Variants in LRBA observed in about 807,000 individuals in gnomAD.
LRBA encodes LPS responsive beige-like anchor protein.
LRBA carries 176 observed loss-of-function variants against 330.0 expected under a neutral mutation model. The ratio of observed to expected loss-of-function variants is 0.53; its 90% CI spans 0.47 to 0.60. LRBA has a LOEUF of 0.60. Ranked by LOEUF, LRBA falls within the 20% of genes least tolerant of loss-of-function variation. LRBA has a pLI of 0.00. For synonymous variants in LRBA, 1,230 were observed against 1,193.0 expected (o/e 1.03, Z -0.64); for missense variants, 3,259 against 3,444.8 (o/e 0.95, Z 1.35).
chr4:150,745,515 G>A (rs1463114124), intron 35 of LRBA, among the ~76,000 whole-genome samples: 1 of 151,886 alleles, frequency 6.6e-6, no homozygotes, highest in Non-Finnish European at 1.5e-5. Flanking sequence ...TTTGTTTTTT[G>A]TTTTTTGTTT....
At chr4:150,985,697 A>T (rs1395148644) in intron 2 of LRBA, among the ~76,000 whole-genome samples, 1 of 151,994 alleles carries the variant, frequency 6.6e-6, no homozygotes, top group Non-Finnish European at 1.5e-5. Flanking sequence ...ACGGGATTTC[A>T]TCGTGTTAGC....
At chr4:150,481,346 T>C (rs1368432224) in intron 42 of LRBA, among the ~76,000 whole-genome samples, 1 of 152,158 alleles carries the variant, frequency 6.6e-6, no homozygotes, top group Admixed American at 6.6e-5. Context: ...TTCGTGTGGA[T>C]AGATGCCCAG....
intron 47 of LRBA, among the ~76,000 whole-genome samples, chr4:150,375,288 TA>T (rs1417556668): frequency 6.6e-6 from 1 of 152,050 alleles, no homozygotes; most frequent in Non-Finnish European, 1.5e-5. Flanking sequence ...CTACAAGGCA[TA>T]AGGGGGACAG....
At chr4:150,582,184 A>G (rs1309676494) in intron 40 of LRBA, 4 of 152,272 alleles carry the variant, frequency 2.6e-5, no homozygotes, top group African/African-American at 7.2e-5. Context: ...CGTCACACTA[A>G]AACGGATTTT....
Position 150,758,827 on chromosome 4 carries a change from G to A in LRBA, c.5645+2956C>T, listed in dbSNP as rs151242367. ...TGGGCTCAAGCGATCCTCCCACCTC[G>A]GCCTCTCAAAGTGCTGGAATTACAG... On this transcript the variant is annotated intron_variant, in intron 35 of 56. Coordinates refer to ENST00000651943, the MANE Select transcript of LRBA (RefSeq NM_001364905.1). 1.4e-3 allele frequency among the ~76,000 whole-genome samples: 210 copies of A among 149,228 alleles called. 2 individuals carry two copies. Among genetic ancestry groups the A allele is most frequent in the African/African-American group, 2.6e-3 (104 of 40,594 alleles).
At chr4:150,819,123 A>G (rs896016847) in intron 30 of LRBA, among the ~76,000 whole-genome samples, 3 of 152,046 alleles carry the variant, frequency 2.0e-5, no homozygotes, top group African/African-American at 7.2e-5. Flanking sequence ...GTAACAAACA[A>G]CATGGATGAA....
intron 34 of LRBA, among the ~76,000 whole-genome samples, chr4:150,769,862 T>G (rs922731572): frequency 6.6e-6 from 1 of 152,320 alleles, no homozygotes; most frequent in Admixed American, 6.5e-5. Flanking sequence ...AACAAGGTTA[T>G]AATTCTACCT....
At chr4:150,567,350 GA>G (rs1202321359) in intron 40 of LRBA, among the ~76,000 whole-genome samples, 1 of 151,986 alleles carries the variant, frequency 6.6e-6, no homozygotes, top group African/African-American at 2.4e-5. Context: ...GTGAAAACAA[GA>G]AAAAGTGTAA....
rs1055096110 is a variant in LRBA, at chr4:150,583,314, C to A, written c.6330+4734G>T. 2 of 1,614,200 alleles carry A rather than the reference C, an allele frequency of 1.2e-6. No individual in the cohort carries two copies. Among genetic ancestry groups the A allele is most frequent in the Admixed American group, 1.7e-5 (1 of 60,030 alleles). ...ACTTCGTGGACGACGGCTCGCTGCC[C>A]GGCTGCGCAGTGCTCAAACTGAGCG... On this transcript the variant is annotated intron_variant, in intron 40 of 56. Transcript: ENST00000651943. This position sits in a 1 kb window ranked among gnomAD's most constrained non-coding sequence, Gnocchi z 9.8.
intron 37 of LRBA, among the ~76,000 whole-genome samples, chr4:150,669,759 T>C (rs974873252): frequency 1.3e-5 from 2 of 152,040 alleles, no homozygotes; most frequent in Admixed American, 6.6e-5. Context: ...AGATACAGGG[T>C]TTCACCAAGT....
intron 37 of LRBA, among the ~76,000 whole-genome samples, chr4:150,635,745 T>C (rs1193101229): frequency 6.6e-6 from 1 of 152,194 alleles, no homozygotes; most frequent in Non-Finnish European, 1.5e-5. Context: ...CTAAAACTGA[T>C]ACATTATTAC....
intron 40 of LRBA, among the ~76,000 whole-genome samples, chr4:150,501,708 A>C (rs1448018157): frequency 1.3e-5 from 2 of 152,194 alleles, no homozygotes; most frequent in Non-Finnish European, 2.9e-5. Flanking sequence ...CTACAACATA[A>C]AAATTTTTAA....
chr4:150,362,607 G>T (rs967803524), intron 47 of LRBA, among the ~76,000 whole-genome samples: 5 of 152,180 alleles, frequency 3.3e-5, no homozygotes, highest in African/African-American at 1.2e-4. Context: ...CCAAGAATTT[G>T]CCCTTATAAC....
At chr4:150,590,910 C>T (rs373214714) in intron 38 of LRBA, 51 bp from the exon 39 acceptor site, 163 of 1,587,658 alleles carry the variant, frequency 1.0e-4, no homozygotes, top group Admixed American at 5.0e-4. Context: ...AAGAGCACTT[C>T]GGCAGAGGGG....
intron 37 of LRBA, among the ~76,000 whole-genome samples, chr4:150,671,034 G>GTGTGTGTA (rs1293878040): frequency 6.8e-6 from 1 of 147,590 alleles, no homozygotes; most frequent in African/African-American, 2.6e-5. Context: ...GTGTGTGTGT[G>GTGTGTGTA]TGTGTGTGAG....
chr4:150,995,380 G>A (rs1742515975), intron 2 of LRBA, among the ~76,000 whole-genome samples: 1 of 151,418 alleles, frequency 6.6e-6, no homozygotes, highest in Non-Finnish European at 1.5e-5. Context: ...AGAATCAGCA[G>A]AACAAGCCTT....
chr4:150,891,556 AAG>A (rs577734101), intron 17 of LRBA, among the ~76,000 whole-genome samples: 4 of 152,328 alleles, frequency 2.6e-5, no homozygotes, highest in African/African-American at 4.8e-5. Flanking sequence ...GCCTTGGAGA[AAG>A]AGAAAATTCA....
chr4:150,912,581 C>T (rs1045112734), intron 9 of LRBA, among the ~76,000 whole-genome samples: 1 of 152,102 alleles, frequency 6.6e-6, no homozygotes. Flanking sequence ...ATGTAATGCA[C>T]TTGAATCATC....
At chr4:150,743,734 C>T (rs1732322713) in intron 35 of LRBA, among the ~76,000 whole-genome samples, 1 of 152,178 alleles carries the variant, frequency 6.6e-6, no homozygotes, top group South Asian at 2.1e-4. Context: ...ACTGCAAGGC[C>T]TAAAGAACTA....
Sources: gnomAD v4.1 joint callset for allele counts (sites outside exome capture counted in the v4.1 genomes callset) on GRCh38, gnomAD v4.1.1 for gene constraint, Gnocchi (gnomAD v3.1) non-coding constraint, MANE v1.5 for transcripts, NCBI Gene and HGNC (gene_info 2026-07-23, HGNC 2026-07-21) for gene names.